DNAAF1: variants seen among roughly 807,000 people sequenced by gnomAD.
DNAAF1 encodes the protein dynein axonemal assembly factor 1.
DNAAF1 carries 65 observed loss-of-function variants against 71.1 expected under a neutral mutation model. That is an observed-to-expected ratio of 0.91 (90% CI 0.75 to 1.12). The LOEUF (loss-of-function observed/expected upper bound fraction) is 1.12. Ranked by LOEUF, DNAAF1 falls within the 50% of genes most tolerant of loss-of-function variation. The pLI is 0.00. For missense variants in DNAAF1, 1,178 were observed against 899.8 expected (o/e 1.31, Z -3.96); for synonymous variants, 414 against 354.6 (o/e 1.17, Z -1.88).
At chr16:84,172,728 T>G in intron 9 of DNAAF1, 1 of 1,174,898 alleles carries the variant, frequency 8.5e-7, no homozygotes, top group Non-Finnish European at 1.1e-6. Context: ...TTATCCAAAT[T>G]CGTGGTGAGA....
intron 8 of DNAAF1, among the ~76,000 whole-genome samples, chr16:84,171,015 T>C (rs956204960): frequency 6.6e-6 from 1 of 152,188 alleles, no homozygotes; most frequent in African/African-American, 2.4e-5. Flanking sequence ...AAATCCAGTA[T>C]GTATTTGACA....
intron 3 of DNAAF1, among the ~76,000 whole-genome samples, chr16:84,151,204 G>T (rs2151212490): frequency 6.6e-6 from 1 of 152,146 alleles, no homozygotes; most frequent in East Asian, 1.9e-4. Flanking sequence ...CTCTTCAGTA[G>T]CTGCTTGCTG....
chr16:84,170,873 TAAA>T (rs1185048247), intron 8 of DNAAF1, among the ~76,000 whole-genome samples: 1 of 151,750 alleles, frequency 6.6e-6, no homozygotes, highest in Non-Finnish European at 1.5e-5. Context: ...AAGTAAAAAG[TAAA>T]AAAACAGTAA....
chr16:84,155,482 A>T, intron 4 of DNAAF1, 101 bp from the exon 5 acceptor site: 1 of 1,318,772 alleles, frequency 7.6e-7, no homozygotes, highest in Non-Finnish European at 1.1e-6. Context: ...CTCCCGCTTT[A>T]GCCTTCCAAA....
intron 1 of DNAAF1, among the ~76,000 whole-genome samples, chr16:84,147,287 C>G (rs1440588983): frequency 6.6e-6 from 1 of 152,052 alleles, no homozygotes; most frequent in African/African-American, 2.4e-5. Context: ...GCATTCTATG[C>G]AAAATTGATG....
chr16:84,175,563 C>T (rs1253325640), intron 10 of DNAAF1: 9 of 295,394 alleles, frequency 3.0e-5, no homozygotes, highest in Middle Eastern at 9.7e-4. Context: ...AAAACAGACA[C>T]AGTTACTGTG....
At chr16:84,155,500 G>T in intron 4 of DNAAF1, 83 bp from the exon 5 acceptor site, 1 of 1,475,184 alleles carries the variant, frequency 6.8e-7, no homozygotes, top group East Asian at 2.3e-5. Context: ...AAAGTGCTGG[G>T]ATTACAGGTA....
intron 9 of DNAAF1, chr16:84,173,455 C>T (rs7205810): frequency 0.33 from 325,105 of 972,784 alleles, 56,249 homozygotes; most frequent in Admixed American, 0.39. Flanking sequence ...CAGAGCGAGA[C>T]TCCATCTCAA....
At chr16:84,167,000 A>C (rs1488395179) in intron 7 of DNAAF1, among the ~76,000 whole-genome samples, 1 of 151,956 alleles carries the variant, frequency 6.6e-6, no homozygotes, top group East Asian at 1.9e-4. Flanking sequence ...CACTAACCGC[A>C]CAAGTGATGG....
At position 84,165,663 on chromosome 16, in the gene DNAAF1, C is replaced by A. The variant is rs994633137; in HGVS notation, c.864-120C>A. 4.1e-6 allele frequency: 4 copies of A among 969,496 alleles called. No individual in the cohort carries two copies. The African/African-American group carries it at 4.8e-5, about 12-fold the overall frequency. 60.1% of individuals were successfully genotyped at this position (969,496 alleles called of 1,614,324 possible). On this transcript the variant is annotated intron_variant, in intron 6 of 11. Transcript: ENST00000378553. ...AAAATTTACATGTGGAACTTTTATC[C>A]TTGCAGTCACATGTCTGATGCTCAC...
Position 84,169,867 on chromosome 16 carries a change from A to G in DNAAF1, c.1039A>G (p.Thr347Ala). The G allele has an allele frequency of 1.2e-6, 2 of 1,613,812 alleles. No homozygotes were observed. Among genetic ancestry groups the G allele is most frequent in the Non-Finnish European group, 1.7e-6 (2 of 1,180,054 alleles). Residue 347 changes from threonine to alanine, a missense_variant, in exon 8 of 12, where the codon ACA becomes GCA. Thr to Ala is a moderately conservative substitution (Grantham distance 58). Coordinates refer to ENST00000378553, the MANE Select transcript of DNAAF1 (RefSeq NM_178452.6). Reference protein sequence around the residue: ...QRESQERGEMTSSDDGENVPA... With the variant: ...QRESQERGEMASSDDGENVPA... The stretch of plus-strand genomic sequence containing the variant: ...GCATTTTCTGCCATTAGGGGAGATG[A>G]CATCTTCAGATGATGGTGAGAATGT...
chr16:84,147,513 T>C (rs16962877), intron 1 of DNAAF1, among the ~76,000 whole-genome samples: 10,221 of 152,128 alleles, frequency 0.067, 454 homozygotes, highest in South Asian at 0.21. Context: ...ATTTTCCTTT[T>C]TATGATTTTT....
chr16:84,162,224 C>T (rs548002520), intron 6 of DNAAF1: 1 of 152,278 alleles, frequency 6.6e-6, no homozygotes, highest in South Asian at 2.1e-4. Context: ...AGGTAAGCCT[C>T]CTGTTTTTAA....
At chr16:84,146,188 G>C (rs893607795) in intron 1 of DNAAF1, among the ~76,000 whole-genome samples, 1 of 152,126 alleles carries the variant, frequency 6.6e-6, no homozygotes, top group Admixed American at 6.5e-5. Flanking sequence ...AACCCACCAC[G>C]CTATTCTCCC....
At position 84,166,731 on chromosome 16, in the gene DNAAF1, C is replaced by T. The variant is rs574297548; in HGVS notation, c.1030+782C>T. Among the ~76,000 whole-genome samples the T allele has an allele frequency of 2.6e-5, 4 of 152,324 alleles. No homozygotes were observed. The South Asian group carries it at 8.3e-4, about 32-fold the overall frequency. On this transcript the variant is annotated intron_variant, in intron 7 of 11. Coordinates refer to ENST00000378553, the MANE Select transcript of DNAAF1 (RefSeq NM_178452.6). The stretch of plus-strand genomic sequence containing the variant: ...GCAGATCCATCTGCAGTTGGCCTCA[C>T]CTACCTGCCAGCACCAGTGAGAACC...
At chr16:84,165,300 C>T (rs11865154) in intron 6 of DNAAF1, among the ~76,000 whole-genome samples, 5,697 of 151,902 alleles carry the variant, frequency 0.038, 335 homozygotes, top group African/African-American at 0.13. Context: ...GGTACAAGAC[C>T]CTTATCAAAT....
chr16:84,150,909 C>T (rs188815927), intron 3 of DNAAF1, among the ~76,000 whole-genome samples: 24 of 152,292 alleles, frequency 1.6e-4, no homozygotes, highest in African/African-American at 4.8e-4. Context: ...CCACTGCACC[C>T]AGCCAGGACT....
In DNAAF1 at chr16:84,155,657, C is replaced by T. The variant is rs201630226; in HGVS notation, c.649C>T (p.Gln217Ter). ...LETVEDIQHL[Q>*]ECLRLCVLDL... ...GACCGTGGAGGACATTCAGCATCTA[C>T]AAGAGTGTTTGAGGCTTTGTGTCCT... Residue 217 changes from glutamine to a stop codon, truncating the protein, a stop_gained, in exon 5 of 12, where the codon CAA becomes TAA. Coordinates refer to ENST00000378553, the MANE Select transcript of DNAAF1 (RefSeq NM_178452.6). LOFTEE classifies it high-confidence loss of function. 2 of 1,614,160 alleles carry T rather than the reference C, an allele frequency of 1.2e-6. No individual in the cohort carries two copies. The highest frequency in any genetic ancestry group is 1.7e-6 in the Non-Finnish European group (2 of 1,180,032).
chr16:84,154,948 G>A (rs547096313), intron 4 of DNAAF1, 150 bp downstream of exon 4: 157 of 742,370 alleles, frequency 2.1e-4, no homozygotes, highest in Non-Finnish European at 2.9e-4. Context: ...TTGCTCTGTC[G>A]CCCAGGCTGG....
Sources: allele counts gnomAD v4.1 joint callset (sites outside exome capture counted in the v4.1 genomes callset), GRCh38; gene constraint gnomAD v4.1.1; transcripts MANE v1.5; gene names NCBI Gene and HGNC (gene_info 2026-07-23, HGNC 2026-07-21).